Variants in SLC5A9 observed in about 807,000 individuals in gnomAD.
SLC5A9 encodes the protein sodium/glucose cotransporter 4.
In SLC5A9, 59 loss-of-function variants were observed where a neutral mutation model predicts 70.9. The ratio of observed to expected loss-of-function variants is 0.83; its 90% CI spans 0.68 to 1.03. The LOEUF (loss-of-function observed/expected upper bound fraction) is 1.03. Ranked by LOEUF, SLC5A9 falls within the 50% of genes least tolerant of loss-of-function variation. The probability of loss-of-function intolerance (pLI) is 0.00; values close to 1 mark genes in which losing one functional copy is unlikely to be tolerated. For synonymous variants in SLC5A9, 340 were observed against 346.5 expected (o/e 0.98, Z 0.21); for missense variants, 832 against 881.1 (o/e 0.94, Z 0.71).
intron 2 of SLC5A9, among the ~76,000 whole-genome samples, chr1:48,225,333 A>T (rs1198046896): frequency 6.6e-6 from 1 of 152,090 alleles, no homozygotes; most frequent in Non-Finnish European, 1.5e-5. Flanking sequence ...TGTGAGCCAC[A>T]GTTTCTCCCA....
At chr1:48,233,360 CAAAAAAAA>C (rs1157245912) in intron 8 of SLC5A9, among the ~76,000 whole-genome samples, 31 of 58,720 alleles carry the variant, frequency 5.3e-4, no homozygotes, top group African/African-American at 2.2e-3. Flanking sequence ...GACTCCATCT[CAAAAAAAA>C]AAAAAAAAAA....
chr1:48,228,068 G>A (rs1362863987), intron 2 of SLC5A9: 1 of 151,778 alleles, frequency 6.6e-6, no homozygotes, highest in African/African-American at 2.4e-5. Flanking sequence ...AGAGAATATT[G>A]ACCAAGTGCT....
intron 12 of SLC5A9, among the ~76,000 whole-genome samples, chr1:48,241,420 C>T (rs1462754493): frequency 6.6e-6 from 1 of 152,106 alleles, no homozygotes; most frequent in Non-Finnish European, 1.5e-5. Context: ...ATGCTTGGGC[C>T]CAGCACAGTG....
intron 1 of SLC5A9, 25 bp from the exon 2 acceptor site, chr1:48,224,699 C>CTGG: frequency 6.2e-7 from 1 of 1,610,806 alleles, no homozygotes; most frequent in Non-Finnish European, 8.5e-7. Flanking sequence ...TTGAGAAATC[C>CTGG]TCATCTCATC....
chr1:48,239,637 C>T lies in SLC5A9; in HGVS notation c.1677+100C>T, dbSNP rs1040438550. 9.0e-6 allele frequency: 10 copies of T among 1,115,564 alleles called. No individual in the cohort carries two copies. The highest frequency in any genetic ancestry group is 1.3e-5 in the Non-Finnish European group (10 of 749,664). 69.1% of individuals were successfully genotyped at this position (1,115,564 alleles called of 1,614,324 possible). A position where few individuals can be genotyped will look rare whatever the true frequency, so the allele number is the denominator to read the frequency against. On this transcript the variant is annotated intron_variant, in intron 12 of 13. Transcript: ENST00000438567. This position sits in a 1 kb window ranked among gnomAD's most constrained non-coding sequence, Gnocchi z 4.2. ...CTTTTACTCTGTTGGGTTATGGTCT[C>T]CCCTGTGGCCACACAGATGTCCTTG...
intron 8 of SLC5A9, 104 bp from the exon 9 acceptor site, chr1:48,233,551 A>T: frequency 1.2e-6 from 1 of 834,756 alleles, no homozygotes; most frequent in Non-Finnish European, 2.0e-6. Flanking sequence ...GGTCCCTGTC[A>T]GAGTCTCCAG....
chr1:48,226,573 C>T (rs899682573), intron 2 of SLC5A9, among the ~76,000 whole-genome samples: 2 of 152,162 alleles, frequency 1.3e-5, no homozygotes, highest in African/African-American at 4.8e-5. Flanking sequence ...AGGGAAAGCT[C>T]AGTCCCACCA....
chr1:48,242,631 G>T lies in SLC5A9; in HGVS notation c.1837+15G>T. 1.3e-6 allele frequency: 2 copies of T among 1,599,146 alleles called. No homozygotes were observed. Among genetic ancestry groups the T allele is most frequent in the Non-Finnish European group, 8.5e-7 (1 of 1,172,234 alleles). On this transcript the variant is annotated intron_variant, in intron 13 of 13. Coordinates refer to ENST00000438567, the MANE Select transcript of SLC5A9 (RefSeq NM_001011547.3). The stretch of plus-strand genomic sequence containing the variant: ...GCAGCCTGAAGGTAGGCTGCGGCAG[G>T]CCGGGGGATACTCATCACAGAGGAA...
intron 12 of SLC5A9, 39 bp from the exon 13 acceptor site, chr1:48,242,418 C>A: frequency 6.4e-7 from 1 of 1,551,284 alleles, no homozygotes; most frequent in South Asian, 1.2e-5. Flanking sequence ...CATGACTTCT[C>A]TCCAAGGCAA....
chr1:48,223,356 G>T lies in SLC5A9; in HGVS notation c.162+458G>T, dbSNP rs747820228. Among the ~76,000 whole-genome samples the T allele has an allele frequency of 5.3e-5, 8 of 152,094 alleles. No individual in the cohort carries two copies. The East Asian group carries it at 7.7e-4, about 15-fold the overall frequency. ...GGAAGTGTGCCAGGCTTATTCCAAG[G>T]TTCCTCTGTTCTCCATTGTTCCCAG... On this transcript the variant is annotated intron_variant, in intron 1 of 13. Transcript: ENST00000438567.
intron 2 of SLC5A9, chr1:48,228,420 G>A (rs1000895124): frequency 5.5e-6 from 1 of 181,606 alleles, no homozygotes; most frequent in Non-Finnish European, 1.2e-5. Flanking sequence ...TCAGTCCCTC[G>A]GCTCCTCCCT....
intron 2 of SLC5A9, among the ~76,000 whole-genome samples, chr1:48,225,732 GCACA>G (rs1426894728): frequency 6.6e-6 from 1 of 151,888 alleles, no homozygotes; most frequent in Non-Finnish European, 1.5e-5. Flanking sequence ...GCAAACTCAT[GCACA>G]CAATCATACT....
At chr1:48,235,480 G>C (rs972856813) in intron 9 of SLC5A9, among the ~76,000 whole-genome samples, 7 of 152,208 alleles carry the variant, frequency 4.6e-5, no homozygotes, top group African/African-American at 1.4e-4. Context: ...TTAGGGTGGG[G>C]GGTGGAGGGG....
At chr1:48,229,078 T>G (rs1246573771) in intron 3 of SLC5A9, 124 bp downstream of exon 3, 2 of 1,614,036 alleles carry the variant, frequency 1.2e-6, no homozygotes, top group African/African-American at 2.7e-5. Flanking sequence ...AGAATCCATT[T>G]CACAATTGAG....
Position 48,247,943 on chromosome 1 carries a change from C to G in SLC5A9, c.*400C>G, listed in dbSNP as rs138090028. ...GAAATTTGCAAAAATCCAAGAGCAC[C>G]TTTGCTCCCCCTTATCCTCCTTCCT... On this transcript the variant is annotated 3_prime_UTR_variant, in exon 14 of 14. Transcript: ENST00000438567. 9.1e-4 allele frequency: 187 copies of G among 205,038 alleles called. 1 individual carries two copies. The East Asian group carries it at 0.019, about 20-fold the overall frequency. The allele number at this position is 205,038 out of a possible 1,614,324, so 12.7% of individuals were successfully genotyped here. A position where few individuals can be genotyped will look rare whatever the true frequency, so the allele number is the denominator to read the frequency against.
intron 10 of SLC5A9, 96 bp downstream of exon 10, chr1:48,235,975 A>G (rs530339128): frequency 1.4e-6 from 2 of 1,447,750 alleles, no homozygotes; most frequent in East Asian, 4.6e-5. Flanking sequence ...TGGACCCTGG[A>G]CTGGCAGCCA....
At chr1:48,230,870 C>T (rs546078174) in intron 5 of SLC5A9, among the ~76,000 whole-genome samples, 165 bp downstream of exon 5, 8 of 151,996 alleles carry the variant, frequency 5.3e-5, no homozygotes, top group South Asian at 2.1e-4. Context: ...GAGACAGAGA[C>T]GTAGAAGAGA....
rs200569387 is a variant in SLC5A9, at chr1:48,232,046, C to T, written c.792C>T (p.Pro264=). ...VPNTTCHLPR[P]DAFHILRDPV... ...ACACCACCTGTCACCTCCCACGGCCCGATGCTTTCCACATTCTTCGGGACC... is the reference window on the plus strand; with the variant it reads ...ACACCACCTGTCACCTCCCACGGCCTGATGCTTTCCACATTCTTCGGGACC... The change falls in exon 7 of 14, where the codon CCC becomes CCT. Residue 264 remains proline, a synonymous_variant. Coordinates refer to ENST00000438567, the MANE Select transcript of SLC5A9 (RefSeq NM_001011547.3). 3.0e-4 allele frequency: 480 copies of T among 1,614,050 alleles called. No homozygotes were observed. The highest frequency in any genetic ancestry group is 3.8e-4 in the Non-Finnish European group (450 of 1,180,006).
At chr1:48,231,379 GGA>G (rs1644244665) in intron 5 of SLC5A9, among the ~76,000 whole-genome samples, 164 bp from the exon 6 acceptor site, 1 of 152,200 alleles carries the variant, frequency 6.6e-6, no homozygotes, top group Non-Finnish European at 1.5e-5. Context: ...TGCCGGGGAG[GGA>G]GAGAGGGGAA....
Sources: allele counts gnomAD v4.1 joint callset (sites outside exome capture counted in the v4.1 genomes callset), GRCh38; gene constraint gnomAD v4.1.1; non-coding constraint Gnocchi (gnomAD v3.1); transcripts MANE v1.5; gene names NCBI Gene and HGNC (gene_info 2026-07-23, HGNC 2026-07-21).